Variants in AFF2 observed in about 807,000 individuals in gnomAD.
The protein encoded by AFF2 is AF4/FMR2 family member 2.
AFF2 carries 14 observed loss-of-function variants against 76.9 expected under a neutral mutation model. The observed-to-expected ratio is 0.18, with a 90% CI of 0.12 to 0.28. The LOEUF (loss-of-function observed/expected upper bound fraction) is 0.28, where lower values mean the gene tolerates loss of function less well. AFF2 is among the 10% of genes least tolerant of loss of function. The pLI, the probability that AFF2 is intolerant of heterozygous loss-of-function variation, is 1.00. For missense variants in AFF2, 868 were observed against 1,001.1 expected, an observed-to-expected ratio of 0.87 and a Z score of 1.79; for synonymous variants, 398 against 366.7, an observed-to-expected ratio of 1.09 and a Z score of -0.98.
At chrX:148,606,919 T>A (rs2053678102) in intron 1 of AFF2, among the ~76,000 whole-genome samples, 1 of 111,173 alleles carries the variant, frequency 9.0e-6, no homozygotes, top group African/African-American at 3.3e-5. Context: ...AGGAACTTGC[T>A]CTCTTTTTTT....
At chrX:148,824,153 A>C (rs782476464) in intron 4 of AFF2, among the ~76,000 whole-genome samples, 3 of 109,305 alleles carry the variant, frequency 2.7e-5, no homozygotes, top group South Asian at 8.0e-4. Context: ...CCTAAGGTGC[A>C]TCATTAAAGG....
intron 3 of AFF2, among the ~76,000 whole-genome samples, chrX:148,670,877 C>T (rs1557259006): frequency 8.9e-6 from 1 of 111,811 alleles, no homozygotes; most frequent in East Asian, 2.8e-4. Flanking sequence ...CTCCGCTCAC[C>T]CCCTTTCTCC....
chrX:148,713,631 T>C (rs782774406), intron 3 of AFF2, among the ~76,000 whole-genome samples: 1 of 112,289 alleles, frequency 8.9e-6, no homozygotes, highest in South Asian at 3.7e-4. Flanking sequence ...GCAGTCAGCC[T>C]AATTATAGGC....
chrX:148,897,255 A>G (rs868996276), intron 8 of AFF2, among the ~76,000 whole-genome samples: 2 of 40,987 alleles, frequency 4.9e-5, no homozygotes, highest in African/African-American at 1.1e-4. Context: ...ATATATATAT[A>G]TATATATATA....
intron 3 of AFF2, among the ~76,000 whole-genome samples, chrX:148,664,348 G>T (rs1420087433): frequency 1.8e-5 from 2 of 111,790 alleles, no homozygotes; most frequent in Non-Finnish European, 3.8e-5. Flanking sequence ...ACTACCTGTG[G>T]TTCCCTGTCA....
chrX:148,765,599 A>G (rs2069503434), intron 3 of AFF2, among the ~76,000 whole-genome samples: 1 of 111,667 alleles, frequency 9.0e-6, no homozygotes. Context: ...ATGCCTTTCC[A>G]CCTAGGGCTC....
At chrX:148,635,999 A>T (rs1232987751) in intron 1 of AFF2, among the ~76,000 whole-genome samples, 1 of 110,427 alleles carries the variant, frequency 9.1e-6, no homozygotes, top group Non-Finnish European at 1.9e-5. Flanking sequence ...TATATGCAAT[A>T]TATGTATGAG....
chrX:148,966,544 G>A (rs2072174898), intron 13 of AFF2, among the ~76,000 whole-genome samples: 1 of 110,158 alleles, frequency 9.1e-6, no homozygotes, highest in Non-Finnish European at 1.9e-5. Flanking sequence ...ATGGGATGGT[G>A]GAGCTATGTA....
At chrX:148,984,235 A>C (rs782484835) in intron 19 of AFF2, among the ~76,000 whole-genome samples, 23 of 111,381 alleles carry the variant, frequency 2.1e-4, no homozygotes, top group African/African-American at 7.5e-4. Context: ...AGGAGGGAGC[A>C]TGCCTGACAA....
chrX:148,722,915 TCAC>T (rs2055111214), intron 3 of AFF2, among the ~76,000 whole-genome samples: 1 of 110,859 alleles, frequency 9.0e-6, no homozygotes, highest in Admixed American at 9.6e-5. Context: ...TCTCAAGTCT[TCAC>T]CACTCAAGTA....
chrX:148,788,776 C>G (rs1472150766), intron 3 of AFF2, among the ~76,000 whole-genome samples: 1 of 112,008 alleles, frequency 8.9e-6, no homozygotes, highest in Non-Finnish European at 1.9e-5. Context: ...TTGCTTATTA[C>G]TTGGTTGGGT....
At chrX:148,966,320 C>T (rs782283042) in intron 13 of AFF2, among the ~76,000 whole-genome samples, 18 of 111,406 alleles carry the variant, frequency 1.6e-4, no homozygotes, top group South Asian at 1.2e-3. Context: ...GACCTGAGGA[C>T]GTTACTTACC....
intron 1 of AFF2, among the ~76,000 whole-genome samples, chrX:148,568,170 GGAAA>G (rs2053189431): frequency 1.8e-5 from 2 of 111,396 alleles, no homozygotes; most frequent in Admixed American, 1.9e-4. Context: ...GATAAACATA[GGAAA>G]GCTTTAATAT....
chrX:148,901,239 A>G (rs1056033098), intron 8 of AFF2, among the ~76,000 whole-genome samples: 1 of 111,681 alleles, frequency 9.0e-6, no homozygotes, highest in Non-Finnish European at 1.9e-5. Context: ...ACTCTAGCCT[A>G]TTACCTCTCA....
At chrX:148,549,799 G>T (rs1397933070) in intron 1 of AFF2, among the ~76,000 whole-genome samples, 1 of 111,793 alleles carries the variant, frequency 8.9e-6, no homozygotes, top group Non-Finnish European at 1.9e-5. Flanking sequence ...TCCCCCAGTT[G>T]CTATTTCTGG....
intron 3 of AFF2, among the ~76,000 whole-genome samples, chrX:148,732,974 C>T (rs73638181): frequency 0.027 from 2,993 of 111,220 alleles, 111 homozygotes; most frequent in African/African-American, 0.094. Flanking sequence ...ATAGCACCAG[C>T]TTCAAAATGA....
At chrX:148,614,733 C>CTTTT (rs1569552163) in intron 1 of AFF2, among the ~76,000 whole-genome samples, 261 of 49,306 alleles carry the variant, frequency 5.3e-3, no homozygotes, top group Non-Finnish European at 7.8e-3. Context: ...TTCTTTCTTT[C>CTTTT]CTTCTTTTCT....
Position 148,843,000 on chromosome X carries a change from A to C in AFF2, c.1208A>C (p.Gln403Pro). ...SQHLTPGFTL[Q>P]KWNDPTTRAS... ...CATCTGACCCCAGGATTCACCTTAC[A>C]AAGTAAGTGGTTTTGAAAATCCTTC... The change falls in exon 6 of 21, where the codon CAA becomes CCA. Residue 403 changes from glutamine (Q) to proline (P), a missense_variant and splice_region_variant. Coordinates refer to ENST00000370460, the MANE Select transcript of AFF2 (RefSeq NM_002025.4). 1 of 1,204,018 alleles carries C rather than the reference A, an allele frequency of 8.3e-7. No homozygotes were observed. The highest frequency in any genetic ancestry group is 1.1e-6 in the Non-Finnish European group (1 of 890,451).
intron 1 of AFF2, among the ~76,000 whole-genome samples, chrX:148,511,736 A>T (rs782295897): frequency 1.8e-5 from 2 of 112,868 alleles, no homozygotes; most frequent in Non-Finnish European, 3.7e-5. Flanking sequence ...TCAAAGTCAC[A>T]TGATTAGCCA....
Sources: allele counts gnomAD v4.1 joint callset (sites outside exome capture counted in the v4.1 genomes callset), GRCh38; gene constraint gnomAD v4.1.1; transcripts MANE v1.5; gene names NCBI Gene and HGNC (gene_info 2026-07-23, HGNC 2026-07-21).